MBNL1: variants seen among roughly 807,000 people sequenced by gnomAD.
The protein encoded by MBNL1 is muscleblind-like protein 1.
A neutral mutation model predicts 42.2 loss-of-function variants in MBNL1; 8 were observed. The ratio of observed to expected loss-of-function variants is 0.19; its 90% CI spans 0.11 to 0.34. The LOEUF (loss-of-function observed/expected upper bound fraction) is 0.34. Among genes scored for constraint, MBNL1 ranks in the 10% least tolerant of loss-of-function variants. MBNL1 has a pLI of 1.00. For synonymous variants in MBNL1, 169 were observed against 173.9 expected (o/e 0.97, Z 0.22); for missense variants, 309 against 495.3 (o/e 0.62, Z 3.57).
At chr3:152,430,065 A>G (rs1247079533) in intron 3 of MBNL1, among the ~76,000 whole-genome samples, 1 of 152,194 alleles carries the variant, frequency 6.6e-6, no homozygotes. Flanking sequence ...TGATGACTCT[A>G]TAGAAACAAC....
At chr3:152,272,125 C>T (rs2042298716) in intron 1 of MBNL1, among the ~76,000 whole-genome samples, 1 of 151,134 alleles carries the variant, frequency 6.6e-6, no homozygotes, top group Non-Finnish European at 1.5e-5. Context: ...TTATTTTGGA[C>T]AGTGTTGTTC....
At chr3:152,292,840 C>A (rs1044860436) in intron 1 of MBNL1, among the ~76,000 whole-genome samples, 1 of 151,380 alleles carries the variant, frequency 6.6e-6, no homozygotes, top group African/African-American at 2.4e-5. Flanking sequence ...GTGATCATGG[C>A]TTACTGCAGC....
chr3:152,332,258 C>A (rs2085205812), intron 2 of MBNL1, among the ~76,000 whole-genome samples: 1 of 152,126 alleles, frequency 6.6e-6, no homozygotes, highest in African/African-American at 2.4e-5. Flanking sequence ...TGTGGAGTTA[C>A]TTTGTTTTCC....
intron 2 of MBNL1, among the ~76,000 whole-genome samples, chr3:152,381,536 A>G (rs549341621): frequency 8.1e-4 from 123 of 152,124 alleles, no homozygotes; most frequent in African/African-American, 2.8e-3. Context: ...GAATAGATAA[A>G]TGTGTCTGTG....
intron 3 of MBNL1, among the ~76,000 whole-genome samples, chr3:152,421,813 C>A (rs2098809734): frequency 6.6e-6 from 1 of 152,188 alleles, no homozygotes; most frequent in Non-Finnish European, 1.5e-5. Flanking sequence ...CCCAGAATTT[C>A]ATAGCCAGAC....
At chr3:152,254,003 G>A (rs2035072533) in intron 2 of MBNL1, among the ~76,000 whole-genome samples, 1 of 152,072 alleles carries the variant, frequency 6.6e-6, no homozygotes, top group Non-Finnish European at 1.5e-5. Context: ...CTTGGCCTTT[G>A]TTGTTCATGT....
At chr3:152,421,337 G>A (rs968808413) in intron 3 of MBNL1, among the ~76,000 whole-genome samples, 8 of 152,244 alleles carry the variant, frequency 5.3e-5, no homozygotes, top group Middle Eastern at 3.4e-3. Context: ...CTGGAAAGGC[G>A]GCTGAAGCCA....
chr3:152,243,757 T>C (rs2032238873), upstream of MBNL1: 1 of 152,178 alleles, frequency 6.6e-6, no homozygotes, highest in Admixed American at 6.6e-5. Context: ...ACACAGGAGA[T>C]GCTTCCTTAT....
At chr3:152,439,280 G>A (rs568414103) in intron 4 of MBNL1, among the ~76,000 whole-genome samples, 1 of 152,238 alleles carries the variant, frequency 6.6e-6, no homozygotes, top group East Asian at 1.9e-4. Flanking sequence ...AACGTTTAAA[G>A]CTAAATGAGG....
chr3:152,292,405 G>A (rs148355339), intron 1 of MBNL1, among the ~76,000 whole-genome samples: 158 of 152,272 alleles, frequency 1.0e-3, no homozygotes, highest in African/African-American at 3.5e-3. Context: ...TCACCTAACC[G>A]ACACTCCTTC....
chr3:152,456,280 C>T lies in MBNL1; in HGVS notation c.1011C>T (p.His337=), dbSNP rs755088809. 3.1e-6 allele frequency: 5 copies of T among 1,612,994 alleles called. No individual in the cohort carries two copies. The highest frequency in any genetic ancestry group is 1.3e-5 in the African/African-American group (1 of 75,000). Reference sequence around the variant, plus strand: ...TCCCTCCGAAAGTTCCCATGGTGCACGGTGCTACGCCAGCCACTGTGTCCG... The same window carrying T: ...TCCCTCCGAAAGTTCCCATGGTGCATGGTGCTACGCCAGCCACTGTGTCCG... ...TPATSVVPMV[H]GATPATVSAA... The change falls in exon 8 of 10, where the codon CAC becomes CAT. Residue 337 remains histidine (H), a synonymous_variant. Coordinates refer to ENST00000324210, the MANE Select transcript of MBNL1 (RefSeq NM_021038.5).
chr3:152,329,054 G>T (rs931884263), intron 2 of MBNL1, among the ~76,000 whole-genome samples: 7 of 152,044 alleles, frequency 4.6e-5, no homozygotes, highest in African/African-American at 1.7e-4. Context: ...TAGAATAACA[G>T]GAAGATTAGT....
intron 2 of MBNL1, among the ~76,000 whole-genome samples, chr3:152,409,965 A>T (rs752530168): frequency 8.1e-4 from 124 of 152,248 alleles, no homozygotes; most frequent in Non-Finnish European, 1.5e-3. Flanking sequence ...GCTAGTTTGT[A>T]ATTGCATTGC....
chr3:152,321,177 TTTGA>T (rs771285613), intron 2 of MBNL1, among the ~76,000 whole-genome samples: 9 of 152,120 alleles, frequency 5.9e-5, no homozygotes, highest in Non-Finnish European at 8.8e-5. Context: ...CAATTAAATA[TTTGA>T]TTGAGGAGAA....
chr3:152,396,535 T>C (rs1370172957), intron 2 of MBNL1, among the ~76,000 whole-genome samples: 1 of 152,230 alleles, frequency 6.6e-6, no homozygotes, highest in Non-Finnish European at 1.5e-5. Flanking sequence ...TTTACTCATA[T>C]CATCATTTCA....
In MBNL1 at chr3:152,458,388, T is replaced by G. The variant is rs1580883581; in HGVS notation, c.1093-883T>G. Reference sequence around the variant, plus strand: ...AGAACAGCAACAAAATGCCTTTGTGTATCTGATTTCATTATTCTCCCAACA... The same window carrying G: ...AGAACAGCAACAAAATGCCTTTGTGGATCTGATTTCATTATTCTCCCAACA... On this transcript the variant is annotated intron_variant, in intron 8 of 9. Coordinates refer to ENST00000324210, the MANE Select transcript of MBNL1 (RefSeq NM_021038.5). 1.1e-5 allele frequency: 6 copies of G among 570,944 alleles called. No individual in the cohort carries two copies. In the East Asian group the frequency reaches 1.5e-4, roughly 14 times the overall value. 35.4% of individuals were successfully genotyped at this position (570,944 alleles called of 1,614,324 possible).
chr3:152,445,570 A>G (rs757939572), intron 5 of MBNL1, 31 bp downstream of exon 5: 22 of 1,573,950 alleles, frequency 1.4e-5, no homozygotes, highest in Admixed American at 1.9e-5. Flanking sequence ...TCTCCTTGTT[A>G]GCAGTCAGAA....
chr3:152,382,499 C>T lies in MBNL1; in HGVS notation c.175-32442C>T, dbSNP rs184344580. 2.6e-5 allele frequency among the ~76,000 whole-genome samples: 4 copies of T among 152,034 alleles called. No homozygotes were observed. In the East Asian group the frequency reaches 5.8e-4, roughly 22 times the overall value. ...CCCTAAAGCTTCAAGTAATTTGAAGCGTGAAAAAGAAAATGAAACTTAAAA... is the reference window on the plus strand; with the variant it reads ...CCCTAAAGCTTCAAGTAATTTGAAGTGTGAAAAAGAAAATGAAACTTAAAA... On this transcript the variant is annotated intron_variant, in intron 2 of 9. Transcript: ENST00000324210.
rs575917346 is a variant in MBNL1, at chr3:152,449,037, C to T, written c.961+1264C>T. Reference sequence around the variant, plus strand: ...TCTCTTATGTTTTGTAATATTATAACTTTCTTCTCAACATGCATAGTTTTT... The same window carrying T: ...TCTCTTATGTTTTGTAATATTATAATTTTCTTCTCAACATGCATAGTTTTT... On this transcript the variant is annotated intron_variant, in intron 6 of 9. Coordinates refer to ENST00000324210, the MANE Select transcript of MBNL1 (RefSeq NM_021038.5). 3.9e-5 allele frequency among the ~76,000 whole-genome samples: 6 copies of T among 152,222 alleles called. No individual in the cohort carries two copies. In the South Asian group the frequency reaches 1.2e-3, roughly 32 times the overall value.
Sources: gnomAD v4.1 joint callset for allele counts (sites outside exome capture counted in the v4.1 genomes callset) on GRCh38, gnomAD v4.1.1 for gene constraint, MANE v1.5 for transcripts, NCBI Gene and HGNC (gene_info 2026-07-23, HGNC 2026-07-21) for gene names.